The following MCM6 variants were observed in gnomAD, a reference collection of about 807,000 sequenced individuals.
The protein encoded by MCM6 is DNA replication licensing factor MCM6.
MCM6 carries 46 observed loss-of-function variants against 94.3 expected under a neutral mutation model. The ratio of observed to expected loss-of-function variants is 0.49; its 90% CI spans 0.39 to 0.62. MCM6 has a LOEUF of 0.62. Ranked by LOEUF, MCM6 falls within the 20% of genes least tolerant of loss-of-function variation. MCM6 has a pLI of 0.00. For synonymous variants in MCM6, 335 were observed against 351.9 expected (o/e 0.95, Z 0.54); for missense variants, 865 against 1,017.9 (o/e 0.85, Z 2.04).
chr2:135,862,235 A>G (rs1278833739), intron 8 of MCM6, among the ~76,000 whole-genome samples: 1 of 151,554 alleles, frequency 6.6e-6, no homozygotes, highest in African/African-American at 2.4e-5. Flanking sequence ...TATGATTTAC[A>G]ATAATGAAAA....
At chr2:135,873,656 G>C (rs1680244510) in intron 1 of MCM6, among the ~76,000 whole-genome samples, 2 of 105,706 alleles carry the variant, frequency 1.9e-5, no homozygotes, top group Admixed American at 1.6e-4. Context: ...TACGTGCAAA[G>C]CCCTATAACA....
chr2:135,847,010 T>TAA (rs201049000), intron 14 of MCM6, among the ~76,000 whole-genome samples: 1 of 142,710 alleles, frequency 7.0e-6, no homozygotes, highest in Non-Finnish European at 1.5e-5. Context: ...ATCTCAAAAA[T>TAA]AAAAAAAAAC....
intron 8 of MCM6, among the ~76,000 whole-genome samples, chr2:135,861,078 T>C (rs1679982944): frequency 6.6e-6 from 1 of 152,162 alleles, no homozygotes; most frequent in Non-Finnish European, 1.5e-5. Flanking sequence ...AAGAATCCTT[T>C]GTAACACAGG....
chr2:135,843,996 G>A (rs1305891479), intron 16 of MCM6, among the ~76,000 whole-genome samples: 1 of 151,942 alleles, frequency 6.6e-6, no homozygotes. Flanking sequence ...GGGCAGTGCT[G>A]TCATGAGGTT....
At chr2:135,849,177 T>C (rs1416801301) in intron 13 of MCM6, among the ~76,000 whole-genome samples, 1 of 152,224 alleles carries the variant, frequency 6.6e-6, no homozygotes, top group Non-Finnish European at 1.5e-5. Flanking sequence ...GGAGGGGCCA[T>C]GTTAATTTCT....
chr2:135,851,676 G>A, intron 12 of MCM6, 113 bp from the exon 13 acceptor site: 1 of 753,932 alleles, frequency 1.3e-6, no homozygotes, highest in South Asian at 3.9e-5. Context: ...TGAGAGGGTT[G>A]AAACTTTGAG....
At position 135,868,638 on chromosome 2, in the gene MCM6, A is replaced by G. The variant is rs762224697; in HGVS notation, c.588T>C (p.Asn196=). The change falls in exon 4 of 17, where the codon AAT becomes AAC. Residue 196 remains asparagine, a synonymous_variant. Transcript: ENST00000264156. ...TTTGAAAATCAACAAATCTTGATTTATTTGTATCCAGTAAGAATCTCCTCC... is the reference window on the plus strand; with the variant it reads ...TTTGAAAATCAACAAATCTTGATTTGTTTGTATCCAGTAAGAATCTCCTCC... ...ANRRRFLLDT[N]KSRFVDFQKV... The G allele has an allele frequency of 6.2e-7, 1 of 1,614,012 alleles. No individual in the cohort carries two copies. The highest frequency in any genetic ancestry group is 1.3e-5 in the African/African-American group (1 of 74,944).
At chr2:135,870,473 T>A (rs1680179947) in intron 2 of MCM6, 112 bp from the exon 3 acceptor site, 1 of 735,080 alleles carries the variant, frequency 1.4e-6, no homozygotes, top group Admixed American at 2.2e-5. Flanking sequence ...CAACTAAACC[T>A]TAGAACTTAA....
intron 16 of MCM6, among the ~76,000 whole-genome samples, chr2:135,841,198 A>G (rs1333378289): frequency 6.6e-6 from 1 of 152,234 alleles, no homozygotes; most frequent in Non-Finnish European, 1.5e-5. Flanking sequence ...ATACTTAAAT[A>G]TATTACATCA....
At chr2:135,860,148 A>G (rs1455592468) in intron 8 of MCM6, among the ~76,000 whole-genome samples, 3 of 150,792 alleles carry the variant, frequency 2.0e-5, no homozygotes, top group Non-Finnish European at 3.0e-5. Context: ...TAATTTATTT[A>G]TTTAGACAGA....
At chr2:135,842,929 G>T (rs966395976) in intron 16 of MCM6, among the ~76,000 whole-genome samples, 6 of 152,196 alleles carry the variant, frequency 3.9e-5, no homozygotes, top group South Asian at 2.1e-4. Context: ...AGCACTGGAA[G>T]GGAGGGTAGT....
rs1292264774 is a variant in MCM6 at position 135,840,136 on chromosome 2, A to G, written c.*699T>C. The G allele has an allele frequency of 6.6e-6, 1 of 152,148 alleles. No individual in the cohort carries two copies. The highest frequency in any genetic ancestry group is 1.5e-5 in the Non-Finnish European group (1 of 68,026). 9.4% of individuals were successfully genotyped at this position (152,148 alleles called of 1,614,324 possible). A position where few individuals can be genotyped will look rare whatever the true frequency, so the allele number is the denominator to read the frequency against. On this transcript the variant is annotated 3_prime_UTR_variant, in exon 17 of 17. Transcript: ENST00000264156. ...TCCCCTAAAAAAGCAATTTGAAAACAATCCTGAGAAATTACCCTTAGGACA... is the reference window on the plus strand; with the variant it reads ...TCCCCTAAAAAAGCAATTTGAAAACGATCCTGAGAAATTACCCTTAGGACA...
At chr2:135,857,142 T>C (rs999433968) in intron 10 of MCM6, among the ~76,000 whole-genome samples, 2 of 152,222 alleles carry the variant, frequency 1.3e-5, no homozygotes, top group Non-Finnish European at 2.9e-5. Context: ...CAATTTTGTT[T>C]GTAATACAAA....
chr2:135,870,315 G>C lies in MCM6; in HGVS notation c.301C>G (p.Arg101Gly), dbSNP rs767037709. 6 of 1,613,794 alleles carry C rather than the reference G, an allele frequency of 3.7e-6. No individual in the cohort carries two copies. The highest frequency in any genetic ancestry group is 5.1e-6 in the Non-Finnish European group (6 of 1,179,834). ...TCCTTGGCAAGAGGGATCTCTTTAC[G>C]GTCTTTGACGAATGTTTTCAAGGCC... ...CRALKTFVKDRKEIPLAKDFY... is the reference protein window; with the variant it reads ...CRALKTFVKDGKEIPLAKDFY... Residue 101 changes from arginine (R) to glycine (G), a missense_variant, in exon 3 of 17, where the codon CGT (arginine) becomes GGT (glycine). Transcript: ENST00000264156.
At chr2:135,844,731 C>T in intron 15 of MCM6, 47 bp from the exon 16 acceptor site, 1 of 1,486,824 alleles carries the variant, frequency 6.7e-7, no homozygotes, top group Non-Finnish European at 8.9e-7. Flanking sequence ...CTCGTACTGT[C>T]AGTCCTTGGG....
At chr2:135,871,424 A>G (rs1680198264) in intron 2 of MCM6, among the ~76,000 whole-genome samples, 1 of 152,256 alleles carries the variant, frequency 6.6e-6, no homozygotes, top group African/African-American at 2.4e-5. Flanking sequence ...AGCTATGACC[A>G]GAAACACAGA....
intron 16 of MCM6, among the ~76,000 whole-genome samples, chr2:135,842,672 G>A (rs956248923): frequency 2.6e-5 from 4 of 152,306 alleles, no homozygotes; most frequent in South Asian, 4.1e-4. Context: ...AGCAAGAAAG[G>A]TTTCTTTGAA....
chr2:135,853,918 A>G (rs1034182478), intron 11 of MCM6, among the ~76,000 whole-genome samples: 3 of 152,188 alleles, frequency 2.0e-5, no homozygotes, highest in Non-Finnish European at 4.4e-5. Flanking sequence ...GTAAGCTTGA[A>G]ATTATTTCTA....
chr2:135,850,296 TTTTA>T (rs1243705831), intron 13 of MCM6, among the ~76,000 whole-genome samples: 2 of 152,188 alleles, frequency 1.3e-5, no homozygotes, highest in African/African-American at 4.8e-5. Context: ...TCTCGTTTTT[TTTTA>T]ATTTCCAACT....
Sources: allele counts gnomAD v4.1 joint callset (sites outside exome capture counted in the v4.1 genomes callset), GRCh38; gene constraint gnomAD v4.1.1; transcripts MANE v1.5; gene names NCBI Gene and HGNC (gene_info 2026-07-23, HGNC 2026-07-21).